Variants in TAB2 observed in about 807,000 individuals in gnomAD.
TAB2 encodes TGF-beta-activated kinase 1 and MAP3K7-binding protein 2.
A neutral mutation model predicts 65.0 loss-of-function variants in TAB2; 3 were observed. The observed-to-expected ratio is 0.05, with a 90% CI of 0.02 to 0.12. The LOEUF (loss-of-function observed/expected upper bound fraction) is 0.12, where lower values mean the gene tolerates loss of function less well. TAB2 is among the 10% of genes least tolerant of loss of function. TAB2 has a pLI of 1.00. For missense variants in TAB2, 623 were observed against 840.3 expected (o/e 0.74, Z 3.20); for synonymous variants, 298 against 285.1 (o/e 1.05, Z -0.46).
At chr6:149,308,686 G>A (rs144479329) in intron 1 of TAB2, among the ~76,000 whole-genome samples, 1,574 of 151,924 alleles carry the variant, frequency 0.01, 25 homozygotes, top group African/African-American at 0.036. Context: ...GTGCCACCAC[G>A]CCTGACTAAT....
chr6:149,263,637 G>T (rs994479194), intron 1 of TAB2, among the ~76,000 whole-genome samples: 5 of 152,188 alleles, frequency 3.3e-5, no homozygotes, highest in African/African-American at 1.2e-4. Flanking sequence ...CAAATGAACG[G>T]CATGAACAAA....
chr6:149,309,903 A>AT (rs1296744306), intron 1 of TAB2, among the ~76,000 whole-genome samples: 2 of 135,046 alleles, frequency 1.5e-5, no homozygotes, highest in Non-Finnish European at 3.2e-5. Flanking sequence ...TGTGTGTGTG[A>AT]TTTTTCCTTT....
intron 1 of TAB2, among the ~76,000 whole-genome samples, chr6:149,351,753 A>G (rs531249749): frequency 3.3e-5 from 5 of 152,220 alleles, no homozygotes; most frequent in Non-Finnish European, 7.3e-5. Flanking sequence ...CCTAGAATTT[A>G]TACTTAGCCA....
chr6:149,385,364 C>G (rs1335387830), intron 3 of TAB2, among the ~76,000 whole-genome samples: 1 of 152,160 alleles, frequency 6.6e-6, no homozygotes, highest in Non-Finnish European at 1.5e-5. Flanking sequence ...ACATTGAAAT[C>G]ACTTTATTAA....
intron 1 of TAB2, among the ~76,000 whole-genome samples, chr6:149,328,195 A>G (rs1199894617): frequency 2.0e-5 from 3 of 152,356 alleles, no homozygotes; most frequent in Middle Eastern, 6.8e-3. Flanking sequence ...AACTCCATAG[A>G]GCGTATTTCA....
At chr6:149,320,709 AGTTT>A (rs1779423892) in intron 1 of TAB2, among the ~76,000 whole-genome samples, 1 of 152,194 alleles carries the variant, frequency 6.6e-6, no homozygotes, top group Non-Finnish European at 1.5e-5. Context: ...CAAGACTAAA[AGTTT>A]ATTTTTTATC....
At chr6:149,400,105 C>T in intron 6 of TAB2, 1 of 424,246 alleles carries the variant, frequency 2.4e-6, no homozygotes, top group Non-Finnish European at 4.2e-6. Flanking sequence ...ATAGTAAGTC[C>T]TCACTTATTA....
At chr6:149,248,763 C>T (rs1473089996) in intron 1 of TAB2, among the ~76,000 whole-genome samples, 1 of 152,178 alleles carries the variant, frequency 6.6e-6, no homozygotes, top group Non-Finnish European at 1.5e-5. Context: ...CTCACCTTGA[C>T]CAGCCCCCCA....
chr6:149,284,370 C>T (rs1778631039), intron 1 of TAB2, among the ~76,000 whole-genome samples: 1 of 152,138 alleles, frequency 6.6e-6, no homozygotes, highest in African/African-American at 2.4e-5. Flanking sequence ...AGGTGCTTCT[C>T]CTGTCTTTCT....
intron 6 of TAB2, among the ~76,000 whole-genome samples, chr6:149,407,471 T>C (rs1583167946): frequency 1.3e-5 from 2 of 152,330 alleles, no homozygotes; most frequent in South Asian, 4.1e-4. Context: ...TACTTTTATA[T>C]ATGTTTGAAA....
At chr6:149,262,696 C>A (rs1187492469) in intron 1 of TAB2, among the ~76,000 whole-genome samples, 1 of 152,214 alleles carries the variant, frequency 6.6e-6, no homozygotes, top group African/African-American at 2.4e-5. Flanking sequence ...ACATCACATC[C>A]ATCATCTTCA....
chr6:149,272,754 C>T (rs1332452723), intron 1 of TAB2, among the ~76,000 whole-genome samples: 1 of 152,236 alleles, frequency 6.6e-6, no homozygotes, highest in Non-Finnish European at 1.5e-5. Flanking sequence ...CATTATTCTG[C>T]ATCCCTTACC....
intron 1 of TAB2, among the ~76,000 whole-genome samples, chr6:149,358,930 T>A (rs1488499292): frequency 6.6e-6 from 1 of 152,156 alleles, no homozygotes; most frequent in Non-Finnish European, 1.5e-5. Context: ...AACCTATTCA[T>A]TGATTGTTAC....
intron 1 of TAB2, among the ~76,000 whole-genome samples, chr6:149,343,097 C>T (rs56126528): frequency 0.033 from 5,083 of 151,796 alleles, 293 homozygotes; most frequent in African/African-American, 0.12. Context: ...TGAGTGAAGC[C>T]GTATAAACAT....
chr6:149,235,858 G>T (rs1777485110), intron 1 of TAB2, among the ~76,000 whole-genome samples: 1 of 152,174 alleles, frequency 6.6e-6, no homozygotes, highest in Admixed American at 6.5e-5. Flanking sequence ...ACCTTCAAGA[G>T]GTCCCTTTGA....
chr6:149,301,517 A>G (rs1308674411), intron 1 of TAB2, among the ~76,000 whole-genome samples: 1 of 152,246 alleles, frequency 6.6e-6, no homozygotes, highest in African/African-American at 2.4e-5. Context: ...ATTTCTGTAC[A>G]TTACACATAT....
chr6:149,291,896 C>A (rs1778785259), intron 1 of TAB2, among the ~76,000 whole-genome samples: 1 of 152,030 alleles, frequency 6.6e-6, no homozygotes, highest in Non-Finnish European at 1.5e-5. Context: ...AAACTATATA[C>A]ATTATTTTAG....
chr6:149,275,125 G>GT (rs370658789), intron 1 of TAB2, among the ~76,000 whole-genome samples: 2,609 of 67,826 alleles, frequency 0.038, 255 homozygotes, highest in African/African-American at 0.096. Context: ...CTCTTCTTCT[G>GT]TTTTTTTTTT....
chr6:149,394,284 C>G (rs751809582), intron 3 of TAB2, among the ~76,000 whole-genome samples: 1 of 152,098 alleles, frequency 6.6e-6, no homozygotes, highest in Non-Finnish European at 1.5e-5. Flanking sequence ...TTGACCCTTT[C>G]ATGATTTCCA....
Sources: gnomAD v4.1 joint callset for allele counts (sites outside exome capture counted in the v4.1 genomes callset) on GRCh38, gnomAD v4.1.1 for gene constraint, MANE v1.5 for transcripts, NCBI Gene and HGNC (gene_info 2026-07-23, HGNC 2026-07-21) for gene names.